CNTN3: variants seen among roughly 807,000 people sequenced by gnomAD.
CNTN3 encodes the protein contactin 3, also known as contactin-3.
Under a neutral mutation model 119.1 loss-of-function variants are expected in CNTN3, and 60 were observed. The ratio of observed to expected loss-of-function variants is 0.50; its 90% CI spans 0.41 to 0.62. The LOEUF (loss-of-function observed/expected upper bound fraction) is 0.62. Ranked by LOEUF, CNTN3 falls within the 20% of genes least tolerant of loss-of-function variation. The probability of loss-of-function intolerance (pLI) is 0.00; values close to 1 mark genes in which losing one functional copy is unlikely to be tolerated. For synonymous variants in CNTN3, 450 were observed against 438.7 expected (o/e 1.03, Z -0.32); for missense variants, 1,101 against 1,242.4 (o/e 0.89, Z 1.71).
intron 2 of CNTN3, among the ~76,000 whole-genome samples, chr3:74,512,302 T>C (rs747983872): frequency 6.6e-6 from 1 of 152,114 alleles, no homozygotes; most frequent in Non-Finnish European, 1.5e-5. Flanking sequence ...TTCATGGTAG[T>C]TGTGAATACT....
chr3:74,480,996 C>A, intron 4 of CNTN3, among the ~76,000 whole-genome samples: 1 of 151,640 alleles, frequency 6.6e-6, no homozygotes, highest in East Asian at 1.9e-4. Context: ...AAAATCAGAC[C>A]GTATTAATAT....
At chr3:74,443,892 G>A (rs369949858) in intron 4 of CNTN3, among the ~76,000 whole-genome samples, 8 of 151,282 alleles carry the variant, frequency 5.3e-5, no homozygotes, top group African/African-American at 1.7e-4. Flanking sequence ...CATAAACAGC[G>A]TGGCTTAAAA....
At chr3:74,461,068 T>A (rs1204402396) in intron 4 of CNTN3, among the ~76,000 whole-genome samples, 1 of 151,846 alleles carries the variant, frequency 6.6e-6, no homozygotes, top group African/African-American at 2.4e-5. Context: ...GTATTGAATT[T>A]TATCAAAGGC....
chr3:74,480,589 T>C (rs1318349458), intron 4 of CNTN3, among the ~76,000 whole-genome samples: 4 of 151,946 alleles, frequency 2.6e-5, no homozygotes, highest in Non-Finnish European at 5.9e-5. Flanking sequence ...TTGAAAGCAG[T>C]TTCTTCTAAA....
At chr3:74,550,677 T>A (rs1703977005) in intron 1 of CNTN3, among the ~76,000 whole-genome samples, 1 of 152,210 alleles carries the variant, frequency 6.6e-6, no homozygotes, top group South Asian at 2.1e-4. Flanking sequence ...TAGCTGGGAC[T>A]ACAGGCATGT....
intron 20 of CNTN3, among the ~76,000 whole-genome samples, chr3:74,268,015 T>C (rs980967047): frequency 3.9e-5 from 6 of 152,036 alleles, no homozygotes; most frequent in African/African-American, 1.4e-4. Flanking sequence ...ACATGAAAAA[T>C]TGCAAGAGAG....
At chr3:74,320,478 T>A (rs1188749421) in intron 13 of CNTN3, among the ~76,000 whole-genome samples, 1 of 151,414 alleles carries the variant, frequency 6.6e-6, no homozygotes, top group Non-Finnish European at 1.5e-5. Flanking sequence ...TGAGAACACA[T>A]GGACACAGGA....
chr3:74,369,166 A>C, intron 8 of CNTN3, 23 bp downstream of exon 8: 1 of 1,541,570 alleles, frequency 6.5e-7, no homozygotes, highest in Non-Finnish European at 8.7e-7. Context: ...TAAAACTCCA[A>C]TTTGCCCAAA....
chr3:74,424,392 A>AATAT (rs1232155160), intron 5 of CNTN3, among the ~76,000 whole-genome samples: 16 of 89,210 alleles, frequency 1.8e-4, no homozygotes, highest in East Asian at 5.6e-4. Context: ...TATGTGTATA[A>AATAT]ATATATATAT....
At chr3:74,564,672 C>T (rs1290787129) in intron 1 of CNTN3, among the ~76,000 whole-genome samples, 1 of 151,682 alleles carries the variant, frequency 6.6e-6, no homozygotes, top group African/African-American at 2.4e-5. Context: ...GTACCTGGAT[C>T]TTAGGTTGGT....
intron 2 of CNTN3, among the ~76,000 whole-genome samples, chr3:74,520,102 T>G (rs74805451): frequency 0.037 from 5,634 of 151,652 alleles, 126 homozygotes; most frequent in South Asian, 0.065. Flanking sequence ...ACTTTTTTCT[T>G]AGGTTCCTCA....
intron 5 of CNTN3, among the ~76,000 whole-genome samples, chr3:74,417,435 T>C (rs1046432869): frequency 6.6e-6 from 1 of 152,236 alleles, no homozygotes; most frequent in African/African-American, 2.4e-5. Context: ...ATATTTATTA[T>C]AGTAAAACCT....
At chr3:74,608,191 C>T (rs1705023921) in intron 1 of CNTN3, among the ~76,000 whole-genome samples, 1 of 152,096 alleles carries the variant, frequency 6.6e-6, no homozygotes, top group Non-Finnish European at 1.5e-5. Flanking sequence ...ACCATTATTT[C>T]AGCAGAACCC....
At chr3:74,612,391 C>T (rs941954076) in intron 1 of CNTN3, among the ~76,000 whole-genome samples, 3 of 152,138 alleles carry the variant, frequency 2.0e-5, no homozygotes, top group African/African-American at 4.8e-5. Context: ...TGCTTTGTTG[C>T]CATTTTAAGG....
chr3:74,352,239 T>C (rs563115475), intron 11 of CNTN3, among the ~76,000 whole-genome samples: 1 of 152,354 alleles, frequency 6.6e-6, no homozygotes, highest in South Asian at 2.1e-4. Context: ...CCTACTCTCT[T>C]GCTTTGCTGC....
At chr3:74,478,217 C>T (rs1000656585) in intron 4 of CNTN3, among the ~76,000 whole-genome samples, 2 of 151,998 alleles carry the variant, frequency 1.3e-5, no homozygotes, top group East Asian at 1.9e-4. Context: ...TTGATGTGTG[C>T]GCAGAATCCT....
chr3:74,585,783 A>G (rs1704583076), intron 1 of CNTN3, among the ~76,000 whole-genome samples: 1 of 152,166 alleles, frequency 6.6e-6, no homozygotes, highest in South Asian at 2.1e-4. Context: ...TCTATTTCAA[A>G]TAATAAAGCT....
intron 1 of CNTN3, among the ~76,000 whole-genome samples, chr3:74,556,776 T>C (rs1704075887): frequency 6.6e-6 from 1 of 152,202 alleles, no homozygotes; most frequent in South Asian, 2.1e-4. Context: ...AAAGTTCCAA[T>C]TTCTCCTCAT....
chr3:74,402,919 A>C (rs1211322131), intron 5 of CNTN3, among the ~76,000 whole-genome samples: 1 of 152,172 alleles, frequency 6.6e-6, no homozygotes, highest in Non-Finnish European at 1.5e-5. Context: ...AAGGGCCCTA[A>C]CACTGGGCAT....
Sources: allele counts gnomAD v4.1 joint callset (sites outside exome capture counted in the v4.1 genomes callset), GRCh38; gene constraint gnomAD v4.1.1; transcripts MANE v1.5; gene names NCBI Gene and HGNC (gene_info 2026-07-23, HGNC 2026-07-21).